The following LATS2 variants were observed in gnomAD, a reference collection of about 807,000 sequenced individuals.
LATS2 encodes serine/threonine-protein kinase LATS2.
A neutral mutation model predicts 76.0 loss-of-function variants in LATS2; 24 were observed. The observed-to-expected ratio is 0.32, with a 90% confidence interval of 0.23 to 0.44. LATS2 has a LOEUF of 0.44. Ranked by LOEUF, LATS2 falls within the 20% of genes least tolerant of loss-of-function variation. The pLI is 1.00. For synonymous variants in LATS2, 692 were observed against 635.4 expected (o/e 1.09, Z -1.34); for missense variants, 1,286 against 1,481.2 (o/e 0.87, Z 2.16).
At chr13:21,006,820 G>A (rs1871284123) in intron 2 of LATS2, among the ~76,000 whole-genome samples, 3 of 152,192 alleles carry the variant, frequency 2.0e-5, no homozygotes, top group African/African-American at 7.2e-5. Context: ...GCATGTTTGG[G>A]GGCTCTGGGG....
intron 2 of LATS2, among the ~76,000 whole-genome samples, chr13:21,008,005 G>A (rs897677071): frequency 6.6e-6 from 1 of 151,072 alleles, no homozygotes; most frequent in African/African-American, 2.4e-5. Flanking sequence ...GTGATCCACC[G>A]ACCTCAGCCT....
At chr13:20,975,846 G>T (rs545109248) in intron 7 of LATS2, among the ~76,000 whole-genome samples, 2 of 152,196 alleles carry the variant, frequency 1.3e-5, no homozygotes, top group East Asian at 3.9e-4. Context: ...ACCACACCCG[G>T]CTGATTTTTG....
chr13:20,976,785 A>G (rs1168389004), intron 7 of LATS2, among the ~76,000 whole-genome samples: 1 of 152,208 alleles, frequency 6.6e-6, no homozygotes, highest in Non-Finnish European at 1.5e-5. Context: ...AAAAAACAAA[A>G]ACAGGAAAAT....
In LATS2 at chr13:21,057,554, T is replaced by C. The variant is rs1476811085; in HGVS notation, c.-205+3792A>G. ...GTAACAGGCCGGGCGCGGTGGCTCA[T>C]GCCTGTAGGCGGGTGGATCACGAGG... On this transcript the variant is annotated intron_variant, in intron 1 of 7. Coordinates refer to ENST00000382592, the MANE Select transcript of LATS2 (RefSeq NM_014572.3). Among the ~76,000 whole-genome samples, 3 of 152,150 alleles carry C rather than the reference T, an allele frequency of 2.0e-5. No homozygotes were observed. In the East Asian group the frequency reaches 5.8e-4, roughly 29 times the overall value.
At chr13:21,039,622 C>A (rs1054981640) in intron 2 of LATS2, among the ~76,000 whole-genome samples, 2 of 152,190 alleles carry the variant, frequency 1.3e-5, no homozygotes, top group African/African-American at 4.8e-5. Context: ...ACTGATTGAG[C>A]ACATGCTCTG....
At position 20,991,582 on chromosome 13, in the gene LATS2, G is replaced by A. The variant is rs912608062; in HGVS notation, c.343-178C>T. On this transcript the variant is annotated intron_variant, in intron 2 of 7. Coordinates refer to ENST00000382592, the MANE Select transcript of LATS2 (RefSeq NM_014572.3). This position sits in a 1 kb window ranked among gnomAD's most constrained non-coding sequence, Gnocchi z 4.9. ...GTGCAGGTGGCTGTGTGCCCTGCAG[G>A]TACCTGATGGCAAAAGCCTAGCACA... Among the ~76,000 whole-genome samples, 4 of 152,146 alleles carry A rather than the reference G, an allele frequency of 2.6e-5. No individual in the cohort carries two copies. Among genetic ancestry groups the A allele is most frequent in the African/African-American group, 9.7e-5 (4 of 41,438 alleles).
intron 2 of LATS2, among the ~76,000 whole-genome samples, chr13:21,043,104 G>A (rs370448263): frequency 2.0e-5 from 3 of 152,136 alleles, no homozygotes; most frequent in Non-Finnish European, 2.9e-5. Context: ...GAGGCCGAAC[G>A]AAGCAGGCAG....
intron 4 of LATS2, among the ~76,000 whole-genome samples, chr13:20,987,039 C>CA (rs920610572): frequency 1.5e-4 from 23 of 151,914 alleles, no homozygotes; most frequent in African/African-American, 5.3e-4. Flanking sequence ...ACTAAAAACA[C>CA]AAAAAAATGG....
chr13:20,979,711 G>C lies in LATS2; in HGVS notation c.2752C>G (p.Pro918Ala). 1.2e-6 allele frequency: 2 copies of C among 1,609,366 alleles called. No individual in the cohort carries two copies. Among genetic ancestry groups the C allele is most frequent in the Non-Finnish European group, 1.7e-6 (2 of 1,175,978 alleles). The change falls in exon 7 of 8, where the codon CCC becomes GCC. Residue 918 changes from proline (P) to alanine (A), a missense_variant. By Grantham distance (27) the Pro-to-Ala change is conservative (BLOSUM62 -1). Coordinates refer to ENST00000382592, the MANE Select transcript of LATS2 (RefSeq NM_014572.3). ...ATTACCTTCAGCTGGGTTTCTGTGGGAGTAGGTGCCAAAAAGGGCGGCTGC... is the reference window on the plus strand; with the variant it reads ...ATTACCTTCAGCTGGGTTTCTGTGGCAGTAGGTGCCAAAAAGGGCGGCTGC... ...VGQPPFLAPT[P>A]TETQLKVINW...
chr13:21,042,052 T>C (rs1300005061), intron 2 of LATS2, among the ~76,000 whole-genome samples: 1 of 152,222 alleles, frequency 6.6e-6, no homozygotes, highest in Non-Finnish European at 1.5e-5. Context: ...CAAAATATGA[T>C]ACTCATAACC....
intron 2 of LATS2, among the ~76,000 whole-genome samples, chr13:21,030,259 A>C (rs1872468391): frequency 6.6e-6 from 1 of 151,902 alleles, no homozygotes; most frequent in African/African-American, 2.4e-5. Flanking sequence ...CTATATCAAC[A>C]ATCTACTTAA....
intron 2 of LATS2, among the ~76,000 whole-genome samples, chr13:21,034,052 C>T (rs1361536297): frequency 6.6e-6 from 1 of 152,132 alleles, no homozygotes; most frequent in African/African-American, 2.4e-5. Context: ...CCCAGCTCTC[C>T]AGCAACTTTA....
At chr13:20,983,932 A>G in intron 4 of LATS2, 126 bp from the exon 5 acceptor site, 1 of 718,294 alleles carries the variant, frequency 1.4e-6, no homozygotes. Context: ...GAGAACAGAG[A>G]AGAATGGGTC....
chr13:21,020,408 TCA>T (rs1427974329), intron 2 of LATS2, among the ~76,000 whole-genome samples: 1 of 152,240 alleles, frequency 6.6e-6, no homozygotes, highest in African/African-American at 2.4e-5. Context: ...AGCCAAAGCC[TCA>T]CCGCACTGCC....
chr13:20,988,165 C>T lies in LATS2; in HGVS notation c.1615G>A (p.Gly539Ser). 1.2e-6 allele frequency: 2 copies of T among 1,613,996 alleles called. No individual in the cohort carries two copies. The highest frequency in any genetic ancestry group is 2.2e-5 in the East Asian group (1 of 44,876). The change falls in exon 4 of 8, where the codon GGC (glycine) becomes AGC (serine). Residue 539 changes from glycine to serine, a missense_variant. Gly to Ser is a moderately conservative substitution (Grantham distance 56). Transcript: ENST00000382592. ...CCCGCACGGAGGCTCTGCTCCATGCCTGCGCACAGGCTGTCCAGGTCGTAC... is the reference window on the plus strand; with the variant it reads ...CCCGCACGGAGGCTCTGCTCCATGCTTGCGCACAGGCTGTCCAGGTCGTAC... ...EQYDLDSLCA[G>S]MEQSLRAGPN...
In LATS2 at chr13:20,989,090, G is replaced by A. The variant is rs1277660601; in HGVS notation, c.690C>T (p.His230=). 3.8e-6 allele frequency: 6 copies of A among 1,598,314 alleles called. No individual in the cohort carries two copies. The highest frequency in any genetic ancestry group is 1.1e-5 in the South Asian group (1 of 90,168). Residue 230 remains histidine, a synonymous_variant, in exon 4 of 8, where the codon CAC becomes CAT. Coordinates refer to ENST00000382592, the MANE Select transcript of LATS2 (RefSeq NM_014572.3). ...GPHGPGHQHQ[H]PPKGYGASVE... is the part of the protein sequence containing the mutation. ...CGCTGGCACCGTAGCCCTTGGGTGG[G>A]TGCTGGTGCTGGTGGCCGGGCCCGT... is the stretch of plus-strand genomic sequence containing the variant.
intron 2 of LATS2, among the ~76,000 whole-genome samples, chr13:21,019,941 C>G (rs1364097693): frequency 6.6e-6 from 1 of 150,494 alleles, no homozygotes; most frequent in South Asian, 2.1e-4. Flanking sequence ...GCCACTGCAC[C>G]CCAGCCTGCG....
intron 2 of LATS2, among the ~76,000 whole-genome samples, chr13:21,021,553 AC>A (rs1184666824): frequency 2.0e-5 from 3 of 151,846 alleles, no homozygotes; most frequent in Non-Finnish European, 2.9e-5. Context: ...TCTGGAGAAA[AC>A]AAAACCCTTT....
chr13:20,995,666 T>G (rs910038515), intron 2 of LATS2, among the ~76,000 whole-genome samples: 2 of 152,128 alleles, frequency 1.3e-5, no homozygotes, highest in Non-Finnish European at 2.9e-5. Context: ...GTGTGGAAGA[T>G]GGAGATAAGG....
Sources: gnomAD v4.1 joint callset for allele counts (sites outside exome capture counted in the v4.1 genomes callset) on GRCh38, gnomAD v4.1.1 for gene constraint, Gnocchi (gnomAD v3.1) non-coding constraint, MANE v1.5 for transcripts, NCBI Gene and HGNC (gene_info 2026-07-23, HGNC 2026-07-21) for gene names.